The following ZCCHC7 variants were observed in gnomAD, a reference collection of about 807,000 sequenced individuals.
ZCCHC7 encodes zinc finger CCHC domain-containing protein 7.
Under a neutral mutation model 52.0 loss-of-function variants are expected in ZCCHC7, and 35 were observed. That is an observed-to-expected ratio of 0.67 (90% CI 0.51 to 0.89). The LOEUF (loss-of-function observed/expected upper bound fraction) is 0.89. ZCCHC7 is among the 40% of genes least tolerant of loss of function. The pLI is 0.00. For missense variants in ZCCHC7, 574 were observed against 649.1 expected (o/e 0.88, Z 1.26); for synonymous variants, 217 against 221.5 (o/e 0.98, Z 0.18).
At chr9:37,136,433 A>T (rs1384359074) in intron 2 of ZCCHC7, among the ~76,000 whole-genome samples, 1 of 152,030 alleles carries the variant, frequency 6.6e-6, no homozygotes, top group Non-Finnish European at 1.5e-5. Context: ...TTTTTCAGAC[A>T]GGGTGTCTCT....
intron 2 of ZCCHC7, among the ~76,000 whole-genome samples, chr9:37,201,489 A>G (rs1237713192): frequency 1.3e-5 from 2 of 152,220 alleles, no homozygotes; most frequent in Admixed American, 1.3e-4. Flanking sequence ...TTAGAGCTTT[A>G]TTGAGGAGGA....
At chr9:37,334,955 C>T (rs1830588242) in intron 6 of ZCCHC7, among the ~76,000 whole-genome samples, 2 of 151,986 alleles carry the variant, frequency 1.3e-5, no homozygotes, top group African/African-American at 2.4e-5. Context: ...AAGGAATGCA[C>T]ATGTGTGTAT....
intron 2 of ZCCHC7, among the ~76,000 whole-genome samples, chr9:37,237,356 A>G (rs986170263): frequency 3.3e-5 from 5 of 152,210 alleles, no homozygotes; most frequent in African/African-American, 1.2e-4. Flanking sequence ...TCTCTATGCT[A>G]TCTTTCTAGC....
At chr9:37,181,683 AG>A (rs1822362834) in intron 2 of ZCCHC7, among the ~76,000 whole-genome samples, 1 of 152,224 alleles carries the variant, frequency 6.6e-6, no homozygotes, top group Non-Finnish European at 1.5e-5. Flanking sequence ...ACAGACAGGA[AG>A]TAGATTAGTA....
intron 2 of ZCCHC7, among the ~76,000 whole-genome samples, chr9:37,145,755 T>G (rs1393388799): frequency 6.6e-6 from 1 of 151,938 alleles, no homozygotes; most frequent in Non-Finnish European, 1.5e-5. Context: ...TTAAAATCAG[T>G]GTTCAATTGA....
chr9:37,356,300 C>CT (rs138955289), intron 8 of ZCCHC7, among the ~76,000 whole-genome samples: 4,804 of 152,286 alleles, frequency 0.032, 180 homozygotes, highest in African/African-American at 0.08. Context: ...ACTAAAACCT[C>CT]TAAGATACCC....
intron 5 of ZCCHC7, among the ~76,000 whole-genome samples, chr9:37,323,266 A>G (rs1830120044): frequency 6.6e-6 from 1 of 152,214 alleles, no homozygotes; most frequent in Non-Finnish European, 1.5e-5. Context: ...AATATTAGCA[A>G]CTATTTGTGA....
chr9:37,155,069 A>G (rs1820736245), intron 2 of ZCCHC7, among the ~76,000 whole-genome samples: 1 of 152,148 alleles, frequency 6.6e-6, no homozygotes, highest in African/African-American at 2.4e-5. Flanking sequence ...GAAGACATTT[A>G]AAGATGGCGG....
intron 6 of ZCCHC7, among the ~76,000 whole-genome samples, chr9:37,337,531 C>G (rs1830736787): frequency 6.6e-6 from 1 of 151,960 alleles, no homozygotes; most frequent in South Asian, 2.1e-4. Context: ...GTGCTTGTTT[C>G]AGTTTTCAGA....
chr9:37,321,225 T>A (rs1392948482), intron 5 of ZCCHC7, among the ~76,000 whole-genome samples: 1 of 151,954 alleles, frequency 6.6e-6, no homozygotes, highest in African/African-American at 2.4e-5. Flanking sequence ...CCTGACCTCG[T>A]GATCCACCCA....
At chr9:37,143,252 C>T (rs1381814533) in intron 2 of ZCCHC7, among the ~76,000 whole-genome samples, 2 of 151,692 alleles carry the variant, frequency 1.3e-5, no homozygotes, top group Non-Finnish European at 3.0e-5. Context: ...ATGGCTAAAC[C>T]TGTATGGTAA....
intron 2 of ZCCHC7, among the ~76,000 whole-genome samples, chr9:37,291,436 G>A (rs1483182333): frequency 2.0e-5 from 3 of 151,732 alleles, no homozygotes; most frequent in Non-Finnish European, 2.9e-5. Flanking sequence ...TATATGACAG[G>A]AATCTGAATC....
chr9:37,195,853 T>C (rs1199407619), intron 2 of ZCCHC7, among the ~76,000 whole-genome samples: 1 of 152,176 alleles, frequency 6.6e-6, no homozygotes, highest in Non-Finnish European at 1.5e-5. Context: ...ATTGCCAAAA[T>C]AATTTTGAAA....
At chr9:37,291,942 C>T (rs1828559371) in intron 2 of ZCCHC7, among the ~76,000 whole-genome samples, 1 of 152,244 alleles carries the variant, frequency 6.6e-6, no homozygotes, top group Non-Finnish European at 1.5e-5. Flanking sequence ...ATCCGCCTGC[C>T]TTGGCCTCCC....
At chr9:37,337,015 A>G (rs529449433) in intron 6 of ZCCHC7, among the ~76,000 whole-genome samples, 2 of 152,268 alleles carry the variant, frequency 1.3e-5, no homozygotes, top group South Asian at 2.1e-4. Context: ...GGAGGGGCCG[A>G]GAAATATTCC....
chr9:37,264,794 T>C (rs1215655471), intron 2 of ZCCHC7, among the ~76,000 whole-genome samples: 2 of 152,204 alleles, frequency 1.3e-5, no homozygotes, highest in Non-Finnish European at 2.9e-5. Flanking sequence ...TGCTGTTTTC[T>C]CTAGTCCTCT....
At chr9:37,211,329 T>C (rs1457726079) in intron 2 of ZCCHC7, among the ~76,000 whole-genome samples, 1 of 152,146 alleles carries the variant, frequency 6.6e-6, no homozygotes, top group Admixed American at 6.5e-5. Context: ...AGCATACATA[T>C]GGTTTTACTT....
At chr9:37,272,464 C>T (rs1216542457) in intron 2 of ZCCHC7, among the ~76,000 whole-genome samples, 1 of 142,178 alleles carries the variant, frequency 7.0e-6, no homozygotes. Flanking sequence ...AGAAATAGGA[C>T]CCTTTACATG....
chr9:37,319,781 A>G (rs1231509701), intron 5 of ZCCHC7, among the ~76,000 whole-genome samples: 1 of 152,120 alleles, frequency 6.6e-6, no homozygotes, highest in Non-Finnish European at 1.5e-5. Context: ...TAGATCTGTT[A>G]TCTATTTTGA....
Sources: allele counts gnomAD v4.1 joint callset (sites outside exome capture counted in the v4.1 genomes callset), GRCh38; gene constraint gnomAD v4.1.1; transcripts MANE v1.5; gene names NCBI Gene and HGNC (gene_info 2026-07-23, HGNC 2026-07-21).